SENP6: variants seen among roughly 807,000 people sequenced by gnomAD.
The protein encoded by SENP6 is sentrin-specific protease 6.
Under a neutral mutation model 134.5 loss-of-function variants are expected in SENP6, and 41 were observed. That is an observed-to-expected ratio of 0.30 (90% CI 0.24 to 0.40). SENP6 has a LOEUF of 0.40. Among genes scored for constraint, SENP6 ranks in the 10% least tolerant of loss-of-function variants. The probability of loss-of-function intolerance (pLI) is 1.00; values close to 1 mark genes in which losing one functional copy is unlikely to be tolerated. For synonymous variants in SENP6, 395 were observed against 429.8 expected (o/e 0.92, Z 1.00); for missense variants, 1,248 against 1,312.5 (o/e 0.95, Z 0.76).
chr6:75,670,690 A>AG lies in SENP6; in HGVS notation c.1362_1363insG (p.Leu455AlafsTer26). On this transcript the variant is annotated frameshift_variant, in exon 11 of 24. Coordinates refer to ENST00000447266, the MANE Select transcript of SENP6 (RefSeq NM_015571.4). LOFTEE classifies it high-confidence loss of function. ...ACTGTCGAAGTATACGAGTAGGAAC[A>AG]CTCTTCCGGCTGTTAATAGAGCCTG... 1 of 1,611,928 alleles carries AG rather than the reference A, an allele frequency of 6.2e-7. No individual in the cohort carries two copies. The highest frequency in any genetic ancestry group is 1.1e-5 in the South Asian group (1 of 90,848).
intron 11 of SENP6, among the ~76,000 whole-genome samples, chr6:75,673,946 G>T (rs547083023): frequency 6.6e-6 from 1 of 151,774 alleles, no homozygotes; most frequent in African/African-American, 2.4e-5. Flanking sequence ...ACTTGAACCC[G>T]GGAGGTGGAG....
In SENP6 at chr6:75,675,959, C is replaced by G; in HGVS notation, c.1526C>G (p.Ala509Gly). ...AAATTACCTGTAGTGTTTCTTCAAG[C>G]AATTCCAGCAGTTTATCAAAAGCTG... ...VRKLPVVFLQ[A>G]IPAVYQKLSI... Residue 509 changes from alanine (A) to glycine (G), a missense_variant, in exon 13 of 24, where the codon GCA (alanine) becomes GGA (glycine). Ala to Gly is a moderately conservative substitution (Grantham distance 60). Transcript: ENST00000447266. 6.2e-7 allele frequency: 1 copy of G among 1,612,552 alleles called. No individual in the cohort carries two copies. The highest frequency in any genetic ancestry group is 8.5e-7 in the Non-Finnish European group (1 of 1,179,184).
chr6:75,605,487 A>G (rs1766962458), intron 1 of SENP6, among the ~76,000 whole-genome samples: 1 of 152,252 alleles, frequency 6.6e-6, no homozygotes, highest in African/African-American at 2.4e-5. Flanking sequence ...AATACGGAAG[A>G]CATAAACAGC....
chr6:75,710,524 G>A (rs1775688930), intron 20 of SENP6, among the ~76,000 whole-genome samples: 1 of 152,086 alleles, frequency 6.6e-6, no homozygotes, highest in Admixed American at 6.6e-5. Context: ...TAATCTTCCA[G>A]TGAACAAAAG....
chr6:75,664,272 AC>A (rs961128172), intron 9 of SENP6, among the ~76,000 whole-genome samples: 51 of 151,956 alleles, frequency 3.4e-4, no homozygotes, highest in African/African-American at 1.1e-3. Context: ...AAAAAAAAAA[AC>A]AATAATAATA....
intron 16 of SENP6, among the ~76,000 whole-genome samples, chr6:75,694,882 T>C (rs1306947790): frequency 6.6e-6 from 1 of 152,142 alleles, no homozygotes; most frequent in Non-Finnish European, 1.5e-5. Flanking sequence ...AATTTATTTT[T>C]ATTTTCTTGA....
At position 75,658,405 on chromosome 6, in the gene SENP6, A is replaced by G. The variant is rs74458561; in HGVS notation, c.551-857A>G. Among the ~76,000 whole-genome samples the G allele has an allele frequency of 6.9e-3, 1,058 of 152,236 alleles. 8 individuals are homozygous for G. Among genetic ancestry groups the G allele is most frequent in the African/African-American group, 0.024 (1,000 of 41,574 alleles). On this transcript the variant is annotated intron_variant, in intron 7 of 23. Coordinates refer to ENST00000447266, the MANE Select transcript of SENP6 (RefSeq NM_015571.4). The stretch of plus-strand genomic sequence containing the variant: ...AAAAGAATATTAAATATAGGAAACT[A>G]GAAGTATTTAACAAAGCTGTGTTTG...
At chr6:75,632,948 A>G (rs1002215068) in intron 3 of SENP6, among the ~76,000 whole-genome samples, 2 of 152,190 alleles carry the variant, frequency 1.3e-5, no homozygotes, top group African/African-American at 4.8e-5. Flanking sequence ...TATATGTTGT[A>G]TTTTAATTCA....
intron 13 of SENP6, among the ~76,000 whole-genome samples, chr6:75,676,333 G>T (rs1773083891): frequency 6.6e-6 from 1 of 152,022 alleles, no homozygotes; most frequent in Non-Finnish European, 1.5e-5. Flanking sequence ...AACTAACACT[G>T]TAATCTGAGT....
chr6:75,667,258 C>G (rs187753330), intron 10 of SENP6, among the ~76,000 whole-genome samples: 6 of 152,238 alleles, frequency 3.9e-5, no homozygotes, highest in South Asian at 2.1e-4. Context: ...ATATATTTTA[C>G]TGTAATACTA....
chr6:75,709,604 G>T lies in SENP6; in HGVS notation c.2794G>T (p.Asp932Tyr). ...AGKMLEDELVDFSEDQDNQDD... is the reference protein window; with the variant it reads ...AGKMLEDELVYFSEDQDNQDD... Reference sequence around the variant, plus strand: ...TAAAATGCTTGAAGATGAACTCGTCGACTTCTCAGAAGATCAGGATAACCA... The same window carrying T: ...TAAAATGCTTGAAGATGAACTCGTCTACTTCTCAGAAGATCAGGATAACCA... The change falls in exon 20 of 24, where the codon GAC (aspartate) becomes TAC (tyrosine). Residue 932 changes from aspartate (D) to tyrosine (Y), a missense_variant. Physicochemically the swap from Asp to Tyr is radical, Grantham distance 160 (BLOSUM62 -3). This residue lies in a region of SENP6 where 386 missense variants were observed against 395.0 expected (regional missense o/e 0.98). Transcript: ENST00000447266. The T allele has an allele frequency of 6.2e-7, 1 of 1,613,600 alleles. No homozygotes were observed. Among genetic ancestry groups the T allele is most frequent in the Admixed American group, 1.7e-5 (1 of 60,010 alleles).
At chr6:75,677,874 G>GTAATCTCTCACA (rs1773202371) in intron 14 of SENP6, 1 of 152,170 alleles carries the variant, frequency 6.6e-6, no homozygotes, top group South Asian at 2.1e-4. Context: ...ACTTAGCTTT[G>GTAATCTCTCACA]CTGACCTAAT....
At chr6:75,667,031 G>A in intron 10 of SENP6, 90 bp downstream of exon 10, 1 of 683,326 alleles carries the variant, frequency 1.5e-6, no homozygotes, top group African/African-American at 1.8e-5. Context: ...GTAGTGCCAA[G>A]AAAAAATGAT....
chr6:75,716,219 A>C lies in SENP6; in HGVS notation c.*625A>C, dbSNP rs989292022. 1 of 151,956 alleles carries C rather than the reference A, an allele frequency of 6.6e-6. No homozygotes were observed. The highest frequency in any genetic ancestry group is 1.9e-4 in the East Asian group (1 of 5,200). The allele number at this position is 151,956 out of a possible 1,614,324, so 9.4% of individuals were successfully genotyped here. A position where few individuals can be genotyped will look rare whatever the true frequency, so the allele number is the denominator to read the frequency against. The stretch of plus-strand genomic sequence containing the variant: ...AGGAAAGAGTATTAAGAGCAATTCA[A>C]AAAAAGTAACCTTATACTACTAAAA... On this transcript the variant is annotated 3_prime_UTR_variant, in exon 24 of 24. Transcript: ENST00000447266.
At chr6:75,688,719 A>C (rs1276608985) in intron 16 of SENP6, among the ~76,000 whole-genome samples, 9 of 152,156 alleles carry the variant, frequency 5.9e-5, no homozygotes, top group Non-Finnish European at 8.8e-5. Flanking sequence ...CAAGAGTTGG[A>C]GACCCAGCCT....
chr6:75,713,027 C>T (rs548675449), intron 21 of SENP6, among the ~76,000 whole-genome samples: 9 of 152,102 alleles, frequency 5.9e-5, no homozygotes, highest in East Asian at 1.9e-4. Flanking sequence ...GGATCACCTG[C>T]GCTCAGGACA....
intron 5 of SENP6, 190 bp downstream of exon 5, chr6:75,635,001 G>A (rs535174558): frequency 7.8e-5 from 51 of 656,164 alleles, no homozygotes; most frequent in South Asian, 7.5e-4. Flanking sequence ...ATCAGATTCT[G>A]TAAATAGAGA....
intron 7 of SENP6, among the ~76,000 whole-genome samples, chr6:75,649,333 A>T (rs539088656): frequency 2.0e-5 from 3 of 152,088 alleles, no homozygotes; most frequent in Non-Finnish European, 4.4e-5. Context: ...AAAAAAAAGC[A>T]TTTCAAAGAT....
intron 5 of SENP6, among the ~76,000 whole-genome samples, chr6:75,639,085 C>T (rs1328220987): frequency 6.6e-6 from 1 of 152,018 alleles, no homozygotes; most frequent in East Asian, 1.9e-4. Flanking sequence ...CTAAACTGTT[C>T]TTATTTTTTG....
Sources: allele counts gnomAD v4.1 joint callset (sites outside exome capture counted in the v4.1 genomes callset), GRCh38; gene constraint gnomAD v4.1.1; regional missense constraint gnomAD v4.1.1; transcripts MANE v1.5; gene names NCBI Gene and HGNC (gene_info 2026-07-23, HGNC 2026-07-21).